The following SEMA4G variants were observed in gnomAD, a reference collection of about 807,000 sequenced individuals.
SEMA4G encodes semaphorin 4G, also known as semaphorin-4G.
SEMA4G carries 59 observed loss-of-function variants against 81.2 expected under a neutral mutation model. The observed-to-expected ratio is 0.73, with a 90% confidence interval of 0.59 to 0.90. SEMA4G has a LOEUF of 0.90. Ranked by LOEUF, SEMA4G falls within the 40% of genes least tolerant of loss-of-function variation. SEMA4G has a pLI of 0.00. For missense variants in SEMA4G, 952 were observed against 1,102.3 expected, an observed-to-expected ratio of 0.86 and a Z score of 1.93; for synonymous variants, 404 against 433.9, an observed-to-expected ratio of 0.93 and a Z score of 0.86.
intron 3 of SEMA4G, among the ~76,000 whole-genome samples, chr10:100,975,796 A>T (rs1850754890): frequency 6.6e-6 from 1 of 152,202 alleles, no homozygotes; most frequent in Non-Finnish European, 1.5e-5. Flanking sequence ...GCTACTCGGG[A>T]GGCTGAGGCA....
downstream of SEMA4G, chr10:100,984,909 G>T: frequency 1.4e-6 from 2 of 1,453,812 alleles, no homozygotes; most frequent in South Asian, 2.8e-5. Context: ...AGAGCTCCAG[G>T]CATGTCCCAT....
upstream of SEMA4G, among the ~76,000 whole-genome samples, chr10:100,970,485 C>T (rs964065385): frequency 1.6e-4 from 25 of 152,136 alleles, no homozygotes; most frequent in Middle Eastern, 6.8e-3. Context: ...CCTTGTAGAG[C>T]GGCCTTGACT....
At chr10:100,969,775 G>T, upstream of SEMA4G, 1 of 436,270 alleles carries the variant, frequency 2.3e-6, no homozygotes, top group Non-Finnish European at 4.7e-6. Flanking sequence ...CGGGCTGCGC[G>T]GGGTGCAAAC....
upstream of SEMA4G, among the ~76,000 whole-genome samples, chr10:100,970,624 C>T (rs1164678713): frequency 6.6e-6 from 1 of 152,126 alleles, no homozygotes; most frequent in Admixed American, 6.5e-5. Context: ...AGAATTGGGA[C>T]TTTCAGGAAC....
chr10:100,981,240 C>CATAT lies in SEMA4G; in HGVS notation c.1690+12_1690+15dup, dbSNP rs756674485. On this transcript the variant is annotated intron_variant, in intron 13 of 13. Transcript: ENST00000370250. ...GCAGCAGGGATACAGGTAAGTGACT[C>CATAT]ATATGAGTGTGGGTCTAGCTACGCA... 3 of 1,613,890 alleles carry CATAT rather than the reference C, an allele frequency of 1.9e-6. No individual in the cohort carries two copies. Among genetic ancestry groups the CATAT allele is most frequent in the Non-Finnish European group, 2.5e-6 (3 of 1,179,762 alleles).
exon 5 of SEMA4G, chr10:100,978,332 A>G (rs748582901): frequency 8.1e-6 from 13 of 1,613,646 alleles, no homozygotes; most frequent in Non-Finnish European, 1.0e-5. Flanking sequence ...AGCTTCGAGG[A>G]GGGGAAGGAG....
intron 3 of SEMA4G, among the ~76,000 whole-genome samples, chr10:100,976,077 A>AG (rs1850767260): frequency 6.6e-6 from 1 of 151,826 alleles, no homozygotes; most frequent in East Asian, 1.9e-4. Context: ...GCTTATGGAG[A>AG]CGGGGGACAG....
At chr10:100,982,253 C>T (rs1215521064) in intron 13 of SEMA4G, among the ~76,000 whole-genome samples, 1 of 151,876 alleles carries the variant, frequency 6.6e-6, no homozygotes. Flanking sequence ...ATTTGAGTGA[C>T]AGGAGAATAG....
chr10:100,973,668 C>T lies in SEMA4G; in HGVS notation c.336+59C>T, dbSNP rs1470713351. On this transcript the variant is annotated intron_variant, in intron 3 of 13. Coordinates refer to ENST00000370250, the Ensembl canonical transcript of SEMA4G. The surrounding 1 kb of genome is among the most constrained non-coding windows in gnomAD (Gnocchi z 5.5). Reference sequence around the variant, plus strand: ...TCCCCTTCTTCCTCAATCAGGGATGCCAGGATTGTTGGGGACACAGATGGG... The same window carrying T: ...TCCCCTTCTTCCTCAATCAGGGATGTCAGGATTGTTGGGGACACAGATGGG... The T allele has an allele frequency of 1.3e-6, 2 of 1,518,540 alleles. No homozygotes were observed. Among genetic ancestry groups the T allele is most frequent in the Non-Finnish European group, 1.8e-6 (2 of 1,099,920 alleles). 94.1% of individuals were successfully genotyped at this position (1,518,540 alleles called of 1,614,324 possible).
At chr10:100,984,615 C>T (rs1851332127) in exon 14 of SEMA4G, 1 of 1,536,170 alleles carries the variant, frequency 6.5e-7, no homozygotes, top group Non-Finnish European at 8.7e-7. Flanking sequence ...TTCACATGCA[C>T]ACATGGAAGA....
chr10:100,970,278 A>C (rs1174006834), upstream of SEMA4G, among the ~76,000 whole-genome samples: 2 of 151,924 alleles, frequency 1.3e-5, no homozygotes, highest in Non-Finnish European at 2.9e-5. Context: ...CACTGAAGGG[A>C]GGGGTGATAT....
intron 3 of SEMA4G, among the ~76,000 whole-genome samples, chr10:100,977,242 G>T (rs1320105947): frequency 6.6e-6 from 1 of 152,162 alleles, no homozygotes; most frequent in Admixed American, 6.5e-5. Context: ...AGATTTGGTT[G>T]TATCACCCCA....
chr10:100,976,223 T>C (rs1039357764), intron 3 of SEMA4G, among the ~76,000 whole-genome samples: 2 of 152,094 alleles, frequency 1.3e-5, no homozygotes, highest in Non-Finnish European at 2.9e-5. Flanking sequence ...GCTGAGGGCA[T>C]TTGACAGGCA....
chr10:100,980,184 C>T, exon 10 of SEMA4G: 2 of 1,614,248 alleles, frequency 1.2e-6, no homozygotes, highest in Non-Finnish European at 1.7e-6. Flanking sequence ...CATCCCTGGT[C>T]CTGGACTTTG....
chr10:100,984,539 G>A, exon 14 of SEMA4G: 6 of 1,536,130 alleles, frequency 3.9e-6, no homozygotes, highest in Non-Finnish European at 5.2e-6. Context: ...CCTCTGCATG[G>A]CCCTGTGTGC....
chr10:100,985,360 T>TC (rs1851394245), downstream of SEMA4G: 2 of 155,966 alleles, frequency 1.3e-5, no homozygotes, highest in African/African-American at 4.8e-5. Flanking sequence ...CTGACTGAGC[T>TC]CCCCCATTCC....
chr10:100,984,205 C>G, exon 14 of SEMA4G: 2 of 1,519,186 alleles, frequency 1.3e-6, no homozygotes, highest in Non-Finnish European at 1.8e-6. Context: ...CTCCCTAACA[C>G]AGCCACCCTC....
At chr10:100,984,711 C>A in exon 14 of SEMA4G, 1 of 1,536,136 alleles carries the variant, frequency 6.5e-7, no homozygotes. Flanking sequence ...ACTTGGGGTA[C>A]CCTCCCAATT....
At chr10:100,974,822 C>G (rs184499998) in intron 3 of SEMA4G, among the ~76,000 whole-genome samples, 2 of 152,096 alleles carry the variant, frequency 1.3e-5, no homozygotes, top group African/African-American at 2.4e-5. Flanking sequence ...ACAAAATAAA[C>G]GGCCCTGGGC....
Sources: gnomAD v4.1 joint callset for allele counts (sites outside exome capture counted in the v4.1 genomes callset) on GRCh38, gnomAD v4.1.1 for gene constraint, Gnocchi (gnomAD v3.1) non-coding constraint, MANE v1.5 for transcripts, NCBI Gene and HGNC (gene_info 2026-07-23, HGNC 2026-07-21) for gene names.